The following IGSF10 variants were observed in gnomAD, a reference collection of about 807,000 sequenced individuals.
The protein encoded by IGSF10 is immunoglobulin superfamily member 10, also known as calvaria mechanical force protein 608.
In IGSF10, 126 loss-of-function variants were observed where a neutral mutation model predicts 128.2. The observed-to-expected ratio is 0.98, with a 90% CI of 0.85 to 1.14. IGSF10 has a LOEUF of 1.14. IGSF10 is among the 50% of genes most tolerant of loss of function. The probability of loss-of-function intolerance (pLI) is 0.00; values close to 1 mark genes in which losing one functional copy is unlikely to be tolerated. For missense variants in IGSF10, 3,295 were observed against 3,149.8 expected (o/e 1.05, Z -1.10); for synonymous variants, 1,185 against 1,146.2 (o/e 1.03, Z -0.68).
chr3:151,435,007 G>A (rs999320754), downstream of IGSF10: 3 of 150,318 alleles, frequency 2.0e-5, no homozygotes, highest in South Asian at 4.2e-4. Flanking sequence ...AAAATAACTA[G>A]AATTACTTTA....
At chr3:151,496,243 A>G in the IGSF10 span, among the ~76,000 whole-genome samples, 3 of 151,848 alleles carry the variant, frequency 2.0e-5, no homozygotes, top group Non-Finnish European at 4.4e-5. Context: ...ACATGTGCAC[A>G]ACGTGCAGGT....
the IGSF10 span, among the ~76,000 whole-genome samples, chr3:151,580,365 C>T: frequency 2.0e-5 from 3 of 151,148 alleles, no homozygotes; most frequent in Admixed American, 6.6e-5. Flanking sequence ...ATACATCAGA[C>T]AGAAACCTGG....
the IGSF10 span, chr3:151,499,943 A>G: frequency 6.6e-6 from 1 of 152,156 alleles, no homozygotes; most frequent in African/African-American, 2.4e-5. Context: ...GGTTGAAGTT[A>G]TACTATTTGG....
At chr3:151,493,023 G>T in the IGSF10 span, among the ~76,000 whole-genome samples, 1 of 152,086 alleles carries the variant, frequency 6.6e-6, no homozygotes, top group Non-Finnish European at 1.5e-5. Context: ...GCCACAATAT[G>T]AATGGACCTG....
the IGSF10 span, among the ~76,000 whole-genome samples, chr3:151,596,705 C>T: frequency 6.6e-6 from 1 of 152,142 alleles, no homozygotes; most frequent in Admixed American, 6.5e-5. Context: ...CCAATTTATG[C>T]TGGTCAGGTT....
At chr3:151,529,768 G>A in the IGSF10 span, among the ~76,000 whole-genome samples, 15 of 152,172 alleles carry the variant, frequency 9.9e-5, no homozygotes, top group East Asian at 2.3e-3. Context: ...AGCGCAAAAA[G>A]GCTGAAAACT....
chr3:151,547,429 T>TATATATACAC, the IGSF10 span, among the ~76,000 whole-genome samples: 3 of 146,872 alleles, frequency 2.0e-5, no homozygotes, highest in African/African-American at 7.6e-5. Context: ...AATATATATA[T>TATATATACAC]ACACACACAC....
At chr3:151,500,021 A>G in the IGSF10 span, among the ~76,000 whole-genome samples, 4 of 152,290 alleles carry the variant, frequency 2.6e-5, no homozygotes, top group East Asian at 7.7e-4. Context: ...GAATTACACT[A>G]TTGTCATAAA....
Position 151,443,842 on chromosome 3 carries a change from A to G in IGSF10, c.5105T>C (p.Val1702Ala). The change falls in exon 7 of 8, where the codon GTT becomes GCT. Residue 1702 changes from valine to alanine, a missense_variant. Transcript: ENST00000282466. ...GATGGACAGGGTACCATTGGGGAGA[A>G]CCTGGACCCTGCTATTCTGTTTCCT... is the stretch of plus-strand genomic sequence containing the variant. ...SKRKQNSRVQ[V>A]LPNGTLSIQR... 6.2e-7 allele frequency: 1 copy of G among 1,613,506 alleles called. No individual in the cohort carries two copies. The highest frequency in any genetic ancestry group is 1.3e-5 in the African/African-American group (1 of 75,050).
chr3:151,514,280 C>CA, the IGSF10 span, among the ~76,000 whole-genome samples: 2 of 151,742 alleles, frequency 1.3e-5, no homozygotes, highest in African/African-American at 4.8e-5. Context: ...AGATGTAAAC[C>CA]AATGGAACAG....
the IGSF10 span, among the ~76,000 whole-genome samples, chr3:151,550,847 T>G: frequency 6.6e-6 from 1 of 152,142 alleles, no homozygotes; most frequent in Non-Finnish European, 1.5e-5. Context: ...GGTCTGTTCC[T>G]GTTCTTGATT....
At position 151,449,000 on chromosome 3, in the gene IGSF10, T is replaced by C. The variant is rs1454337511; in HGVS notation, c.981A>G (p.Glu327=). ...TTTGAATACTGCAGACCATGTTAGC[T>C]TCATTTCCAGACTGATCTGTCATAT... The part of the protein sequence containing the change: ...TLNMTDQSGN[E]ANMVCSIQKP... The change falls in exon 6 of 8, where the codon GAA becomes GAG. Residue 327 remains glutamate, a synonymous_variant. Transcript: ENST00000282466. The C allele has an allele frequency of 6.2e-7, 1 of 1,614,224 alleles. No homozygotes were observed. Among genetic ancestry groups the C allele is most frequent in the Non-Finnish European group, 8.5e-7 (1 of 1,180,022 alleles).
In IGSF10 at chr3:151,437,407, C is replaced by CTT; in HGVS notation, c.7152_7153dup (p.Ser2385LysfsTer6). The CTT allele has an allele frequency of 6.2e-7, 1 of 1,614,188 alleles. No individual in the cohort carries two copies. Among genetic ancestry groups the CTT allele is most frequent in the Non-Finnish European group, 8.5e-7 (1 of 1,180,028 alleles). On this transcript the variant is annotated frameshift_variant, in exon 8 of 8. Transcript: ENST00000282466. LOFTEE classifies it low-confidence loss of function (END_TRUNC). ...ATTGCTTGCTATCAGATACTGATAACTTTGTGGTCCATTGGAAAATCGTGT... is the reference window on the plus strand; with the variant it reads ...ATTGCTTGCTATCAGATACTGATAACTTTTTGTGGTCCATTGGAAAATCGTGT...
the IGSF10 span, among the ~76,000 whole-genome samples, chr3:151,505,400 C>T: frequency 3.9e-5 from 6 of 152,258 alleles, no homozygotes; most frequent in Admixed American, 6.5e-5. Flanking sequence ...AGTTATCTCT[C>T]ACCAGGTCCC....
chr3:151,458,533 C>T lies in IGSF10; in HGVS notation c.177G>A (p.Val59=), dbSNP rs1721909403. 3 of 1,613,558 alleles carry T rather than the reference C, an allele frequency of 1.9e-6. No homozygotes were observed. Among genetic ancestry groups the T allele is most frequent in the African/African-American group, 2.7e-5 (2 of 74,996 alleles). ...TSIPDSIPPN[V]ERINLGYNSL... is the part of the protein sequence containing the mutation. ...TCACACACCCTAAATTGATGCGTTC[C>T]ACATTGGGCGGGATGCTGTCTGGGA... Residue 59 remains valine (V), a synonymous_variant, in exon 3 of 8, where the codon GTG becomes GTA. Transcript: ENST00000282466.
the IGSF10 span, among the ~76,000 whole-genome samples, chr3:151,595,277 A>G: frequency 0.35 from 53,169 of 151,634 alleles, 10,420 homozygotes; most frequent in African/African-American, 0.54. Flanking sequence ...TATATACCCA[A>G]GGGAAATGAA....
At chr3:151,617,270 T>TCTTCTTCTTCTC in the IGSF10 span, among the ~76,000 whole-genome samples, 1 of 68,748 alleles carries the variant, frequency 1.5e-5, no homozygotes, top group Non-Finnish European at 3.0e-5. Flanking sequence ...CTCTTCTTCT[T>TCTTCTTCTTCTC]CTTCTTCTTC....
the IGSF10 span, among the ~76,000 whole-genome samples, chr3:151,556,285 T>A: frequency 5.9e-4 from 90 of 152,262 alleles, no homozygotes; most frequent in African/African-American, 2.0e-3. Flanking sequence ...TAACACAGAC[T>A]AAAACGATGT....
At chr3:151,574,097 G>C in the IGSF10 span, among the ~76,000 whole-genome samples, 1 of 152,186 alleles carries the variant, frequency 6.6e-6, no homozygotes, top group Non-Finnish European at 1.5e-5. Flanking sequence ...CTTTTAGTCT[G>C]ATGGGCTTCC....
Sources: allele counts gnomAD v4.1 joint callset (sites outside exome capture counted in the v4.1 genomes callset), GRCh38; gene constraint gnomAD v4.1.1; transcripts MANE v1.5; gene names NCBI Gene and HGNC (gene_info 2026-07-23, HGNC 2026-07-21).